EMILIN2: variants seen among roughly 807,000 people sequenced by gnomAD.
The protein encoded by EMILIN2 is elastin microfibril interfacer 2, also known as EMILIN-2.
A neutral mutation model predicts 87.1 loss-of-function variants in EMILIN2; 71 were observed. That is an observed-to-expected ratio of 0.82 (90% confidence interval 0.67 to 0.99). The LOEUF is 0.99. Ranked by LOEUF, EMILIN2 falls within the 50% of genes least tolerant of loss-of-function variation. EMILIN2 has a pLI of 0.00. For missense variants in EMILIN2, 1,407 were observed against 1,371.8 expected (o/e 1.03, Z -0.40); for synonymous variants, 581 against 563.4 (o/e 1.03, Z -0.44).
At chr18:2,854,305 G>A (rs1598484014) in intron 2 of EMILIN2, among the ~76,000 whole-genome samples, 1 of 152,092 alleles carries the variant, frequency 6.6e-6, no homozygotes, top group African/African-American at 2.4e-5. Flanking sequence ...TCTGGGTGGG[G>A]CCAACACACA....
At position 2,848,149 on chromosome 18, in the gene EMILIN2, C is replaced by T. The variant is rs1469042595; in HGVS notation, c.257+218C>T. 6.6e-6 allele frequency among the ~76,000 whole-genome samples: 1 copy of T among 152,190 alleles called. No individual in the cohort carries two copies. The highest frequency in any genetic ancestry group is 1.5e-5 in the Non-Finnish European group (1 of 68,028). The stretch of plus-strand genomic sequence containing the variant: ...CCCGAGTGAGTGGGGAGGATGCGCG[C>T]GCCTCGGGAGTGTGGGGTCGCGGGG... On this transcript the variant is annotated intron_variant, in intron 2 of 7. Coordinates refer to ENST00000254528, the MANE Select transcript of EMILIN2 (RefSeq NM_032048.3). The surrounding 1 kb of genome is among the most constrained non-coding windows in gnomAD (Gnocchi z 4.1).
intron 2 of EMILIN2, among the ~76,000 whole-genome samples, chr18:2,860,387 T>A (rs1022822723): frequency 1.3e-5 from 2 of 152,144 alleles, no homozygotes; most frequent in African/African-American, 4.8e-5. Context: ...TCCCTCCCAC[T>A]TCCCCCAACC....
chr18:2,860,183 A>T (rs1432522516), intron 2 of EMILIN2, among the ~76,000 whole-genome samples: 2 of 152,120 alleles, frequency 1.3e-5, no homozygotes, highest in Non-Finnish European at 2.9e-5. Flanking sequence ...CACAATACTG[A>T]TTCTACCCAT....
Position 2,866,616 on chromosome 18 carries a change from T to A in EMILIN2, c.258-18348T>A, listed in dbSNP as rs541719214. ...TTTTTGGAGGAGTTTTAGGGTTTTC[T>A]ACGTATATAATCATATCATCAGCAA... is the stretch of plus-strand genomic sequence containing the variant. On this transcript the variant is annotated intron_variant, in intron 2 of 7. Coordinates refer to ENST00000254528, the MANE Select transcript of EMILIN2 (RefSeq NM_032048.3). Among the ~76,000 whole-genome samples, 205 of 152,350 alleles carry A rather than the reference T, an allele frequency of 1.3e-3. 1 individual carries two copies. Among genetic ancestry groups the A allele is most frequent in the Admixed American group, 4.3e-3 (66 of 15,302 alleles).
intron 2 of EMILIN2, among the ~76,000 whole-genome samples, 158 bp from the exon 3 acceptor site, chr18:2,884,806 C>T (rs943904884): frequency 6.6e-6 from 1 of 152,168 alleles, no homozygotes; most frequent in East Asian, 1.9e-4. Flanking sequence ...CTGAACCCCC[C>T]AGTCAGATCT....
In EMILIN2 at chr18:2,913,635, C is replaced by CTTCTTTTTTT; in HGVS notation, c.*231_*232insTTCTTTTTTT. The CTTCTTTTTTT allele has an allele frequency of 2.0e-6, 1 of 508,658 alleles. No homozygotes were observed. The highest frequency in any genetic ancestry group is 3.5e-6 in the Non-Finnish European group (1 of 288,750). The allele number at this position is 508,658 out of a possible 1,614,324, so 31.5% of individuals were successfully genotyped here. ...TGACTTTTCTGCCACTCTAACTGGA[C>CTTCTTTTTTT]AACTGGAAGACTTGGAAAGGCCTCC... is the stretch of plus-strand genomic sequence containing the variant. On this transcript the variant is annotated 3_prime_UTR_variant, in exon 8 of 8. Coordinates refer to ENST00000254528, the MANE Select transcript of EMILIN2 (RefSeq NM_032048.3).
At position 2,861,200 on chromosome 18, in the gene EMILIN2, G is replaced by A. The variant is rs188423676; in HGVS notation, c.257+13269G>A. Reference sequence around the variant, plus strand: ...CTGTAGGTTGCCTGTTCACTCTGACGGTAGTTTCTTTTGCTGTGCAGAAGC... The same window carrying A: ...CTGTAGGTTGCCTGTTCACTCTGACAGTAGTTTCTTTTGCTGTGCAGAAGC... On this transcript the variant is annotated intron_variant, in intron 2 of 7. Coordinates refer to ENST00000254528, the MANE Select transcript of EMILIN2 (RefSeq NM_032048.3). Among the ~76,000 whole-genome samples, 685 of 152,226 alleles carry A rather than the reference G, an allele frequency of 4.5e-3. 3 individuals carry two copies. The highest frequency in any genetic ancestry group is 0.015 in the African/African-American group (636 of 41,526).
intron 2 of EMILIN2, among the ~76,000 whole-genome samples, chr18:2,858,397 G>C (rs1293565818): frequency 2.7e-5 from 4 of 150,590 alleles, no homozygotes; most frequent in Non-Finnish European, 5.9e-5. Context: ...CCACTTATGA[G>C]TGAGAACATA....
At chr18:2,907,871 G>T (rs1343438509) in intron 5 of EMILIN2, among the ~76,000 whole-genome samples, 3 of 152,344 alleles carry the variant, frequency 2.0e-5, no homozygotes, top group Non-Finnish European at 2.9e-5. Context: ...ATAGATACAT[G>T]CATAGAACAA....
chr18:2,889,133 C>CTTTT (rs772439545), intron 3 of EMILIN2, among the ~76,000 whole-genome samples: 1,330 of 83,860 alleles, frequency 0.016, 29 homozygotes, highest in African/African-American at 0.033. Flanking sequence ...TCTTTCTTTT[C>CTTTT]TTTTTTTTTT....
intron 2 of EMILIN2, among the ~76,000 whole-genome samples, chr18:2,875,979 ATTTT>A (rs67505946): frequency 9.9e-4 from 126 of 126,796 alleles, no homozygotes; most frequent in Middle Eastern, 3.9e-3. Flanking sequence ...AGGATTTTAG[ATTTT>A]TTTTTTTTTT....
In EMILIN2 at chr18:2,910,586, C is replaced by T. The variant is rs8092411; in HGVS notation, c.2824+767C>T. Reference sequence around the variant, plus strand: ...GCCCGGGGTCTTTCCTGACGTCTCTCTCTGCCCTCAGCAGTCACTGTTCTG... The same window carrying T: ...GCCCGGGGTCTTTCCTGACGTCTCTTTCTGCCCTCAGCAGTCACTGTTCTG... On this transcript the variant is annotated intron_variant, in intron 7 of 7. Coordinates refer to ENST00000254528, the MANE Select transcript of EMILIN2 (RefSeq NM_032048.3). Among the ~76,000 whole-genome samples, 778 of 152,228 alleles carry T rather than the reference C, an allele frequency of 5.1e-3. 6 individuals are homozygous for T. Among genetic ancestry groups the T allele is most frequent in the African/African-American group, 0.017 (725 of 41,544 alleles).
At chr18:2,903,935 CTG>C (rs1374297320) in intron 4 of EMILIN2, among the ~76,000 whole-genome samples, 1 of 152,226 alleles carries the variant, frequency 6.6e-6, no homozygotes, top group Non-Finnish European at 1.5e-5. Flanking sequence ...CTTTTACTCT[CTG>C]TTGCTTTTTC....
At position 2,907,058 on chromosome 18, in the gene EMILIN2, G is replaced by T. The variant is rs1023552606; in HGVS notation, c.2635G>T (p.Gly879Cys). The T allele has an allele frequency of 7.9e-7, 1 of 1,258,154 alleles. No individual in the cohort carries two copies. The highest frequency in any genetic ancestry group is 1.0e-6 in the Non-Finnish European group (1 of 1,004,512). The allele number at this position is 1,258,154 out of a possible 1,614,324, so 77.9% of individuals were successfully genotyped here. ...DGQTGSGTVP[G>C]AEGFAGAPGY... ...CCAGACCGGGAGCGGCACCGTCCCC[G>T]GCGCAGAAGGCTTCGCGGGCGCACC... Residue 879 changes from glycine (G) to cysteine (C), a missense_variant, in exon 5 of 8, where the codon GGC becomes TGC. Transcript: ENST00000254528.
chr18:2,877,436 G>GTTT (rs33950110), intron 2 of EMILIN2, among the ~76,000 whole-genome samples: 1 of 136,488 alleles, frequency 7.3e-6, no homozygotes, highest in African/African-American at 2.7e-5. Context: ...TTGACTGACA[G>GTTT]TTTTTTTTTT....
At chr18:2,905,735 T>C (rs1448836425) in intron 4 of EMILIN2, among the ~76,000 whole-genome samples, 3 of 151,344 alleles carry the variant, frequency 2.0e-5, no homozygotes, top group East Asian at 2.0e-4. Context: ...CCCGAGTAGC[T>C]GGGATTACAG....
Position 2,880,856 on chromosome 18 carries a change from T to A in EMILIN2, c.258-4108T>A, listed in dbSNP as rs771449681. Among the ~76,000 whole-genome samples the A allele has an allele frequency of 6.6e-6, 1 of 152,194 alleles. No homozygotes were observed. Among genetic ancestry groups the A allele is most frequent in the Non-Finnish European group, 1.5e-5 (1 of 68,018 alleles). ...TCCTGGGTCTGGGGCTTTTCCACTT[T>A]GGCTGCACTTGACAACGACTTGGGG... On this transcript the variant is annotated intron_variant, in intron 2 of 7. Transcript: ENST00000254528. This position sits in a 1 kb window ranked among gnomAD's most constrained non-coding sequence, Gnocchi z 4.1.
chr18:2,853,504 G>A (rs2076611844), intron 2 of EMILIN2, among the ~76,000 whole-genome samples: 1 of 152,198 alleles, frequency 6.6e-6, no homozygotes, highest in Non-Finnish European at 1.5e-5. Flanking sequence ...GTTGACATCC[G>A]TGGGATTGAG....
Position 2,913,649 on chromosome 18 carries a change from G to GTTTTCAT in EMILIN2, c.*245_*246insTTTTCAT. ...CTCTAACTGGACAACTGGAAGACTTGGAAAGGCCTCCACCTGTATCTACAC... is the reference window on the plus strand; with the variant it reads ...CTCTAACTGGACAACTGGAAGACTTGTTTTCATGAAAGGCCTCCACCTGTATCTACAC... On this transcript the variant is annotated 3_prime_UTR_variant, in exon 8 of 8. Coordinates refer to ENST00000254528, the MANE Select transcript of EMILIN2 (RefSeq NM_032048.3). The GTTTTCAT allele has an allele frequency of 2.1e-6, 1 of 482,458 alleles. No individual in the cohort carries two copies. 29.9% of individuals were successfully genotyped at this position (482,458 alleles called of 1,614,324 possible). A position where few individuals can be genotyped will look rare whatever the true frequency, so the allele number is the denominator to read the frequency against.
Sources: allele counts gnomAD v4.1 joint callset (sites outside exome capture counted in the v4.1 genomes callset), GRCh38; gene constraint gnomAD v4.1.1; non-coding constraint Gnocchi (gnomAD v3.1); transcripts MANE v1.5; gene names NCBI Gene and HGNC (gene_info 2026-07-23, HGNC 2026-07-21).